Variants in RASA1 observed in about 807,000 individuals in gnomAD.
RASA1 encodes ras GTPase-activating protein 1.
In RASA1, 25 loss-of-function variants were observed where a neutral mutation model predicts 132.2. That is an observed-to-expected ratio of 0.19 (90% confidence interval 0.14 to 0.26). RASA1 has a LOEUF of 0.26. RASA1 is among the 10% of genes least tolerant of loss of function. The probability of loss-of-function intolerance (pLI) is 1.00; values close to 1 mark genes in which losing one functional copy is unlikely to be tolerated. For synonymous variants in RASA1, 477 were observed against 449.9 expected, an observed-to-expected ratio of 1.06 and a Z score of -0.76; for missense variants, 964 against 1,299.2, an observed-to-expected ratio of 0.74 and a Z score of 3.97.
In RASA1 at chr5:87,268,565, A is replaced by G; in HGVS notation, c.114A>G (p.Ile38Met). The change falls in exon 1 of 25, where the codon ATA (isoleucine) becomes ATG (methionine). Residue 38 changes from isoleucine to methionine, a missense_variant. Ile to Met is a conservative substitution (Grantham distance 10). Coordinates refer to ENST00000274376, the MANE Select transcript of RASA1 (RefSeq NM_002890.3). Reference sequence around the variant, plus strand: ...ATCCCGCAGTGTGTCGGGTGAAGATACCCGCGGCCCTGCCTGTGGCAGCCG... The same window carrying G: ...ATCCCGCAGTGTGTCGGGTGAAGATGCCCGCGGCCCTGCCTGTGGCAGCCG... ...SAYPAVCRVK[I>M]PAALPVAAAP... The G allele has an allele frequency of 2.5e-6, 4 of 1,604,932 alleles. No homozygotes were observed. The highest frequency in any genetic ancestry group is 3.4e-6 in the Non-Finnish European group (4 of 1,177,136).
At chr5:87,376,226 C>T in intron 15 of RASA1, 167 bp from the exon 16 acceptor site, 1 of 755,324 alleles carries the variant, frequency 1.3e-6, no homozygotes, top group Non-Finnish European at 2.2e-6. Flanking sequence ...GCACCGTAGA[C>T]ACTCAGTAAA....
intron 12 of RASA1, among the ~76,000 whole-genome samples, chr5:87,370,296 AAGTC>A (rs1414190876): frequency 6.6e-6 from 1 of 152,214 alleles, no homozygotes; most frequent in Non-Finnish European, 1.5e-5. Flanking sequence ...CTGAAAATAA[AAGTC>A]AGTCAACACA....
In RASA1 at chr5:87,390,885, A is replaced by C. The variant is rs1343332507; in HGVS notation, c.*2A>C. The C allele has an allele frequency of 1.2e-6, 2 of 1,606,418 alleles. No homozygotes were observed. Among genetic ancestry groups the C allele is most frequent in the African/African-American group, 2.7e-5 (2 of 74,764 alleles). On this transcript the variant is annotated 3_prime_UTR_variant, in exon 25 of 25. Coordinates refer to ENST00000274376, the MANE Select transcript of RASA1 (RefSeq NM_002890.3). ...ACAAAAACCAATGATGTCAGGTAGCAGCCTTCGCCCCAGTGTTCTGCATGG... is the reference window on the plus strand; with the variant it reads ...ACAAAAACCAATGATGTCAGGTAGCCGCCTTCGCCCCAGTGTTCTGCATGG...
intron 8 of RASA1, among the ~76,000 whole-genome samples, chr5:87,350,231 A>T (rs1439361239): frequency 6.6e-6 from 1 of 151,842 alleles, no homozygotes; most frequent in Non-Finnish European, 1.5e-5. Flanking sequence ...AAAGACATCA[A>T]ATGTAAGATG....
intron 6 of RASA1, 26 bp downstream of exon 6, chr5:87,341,347 G>GAAA (rs35694079): frequency 1.6e-5 from 19 of 1,191,986 alleles, no homozygotes; most frequent in South Asian, 5.3e-5. Flanking sequence ...TTATTAAAAT[G>GAAA]AAAAAAAAAA....
Position 87,366,705 on chromosome 5 carries a change from A to G in RASA1, c.1611-3108A>G, listed in dbSNP as rs147010543. Among the ~76,000 whole-genome samples the G allele has an allele frequency of 2.6e-5, 4 of 152,316 alleles. No individual in the cohort carries two copies. In the East Asian group the frequency reaches 7.7e-4, roughly 29 times the overall value. ...AGTATGAAAAAGTTATGTTCATGAG[A>G]ACTAAACTCAAGTCTCTCATTTAGA... On this transcript the variant is annotated intron_variant, in intron 11 of 24. Transcript: ENST00000274376.
intron 6 of RASA1, among the ~76,000 whole-genome samples, chr5:87,342,757 C>G (rs1758573099): frequency 1.3e-5 from 2 of 152,040 alleles, no homozygotes; most frequent in South Asian, 4.1e-4. Flanking sequence ...GTCTAGTTGT[C>G]TAGTTGATAT....
At chr5:87,299,528 T>C (rs1489786295) in intron 1 of RASA1, among the ~76,000 whole-genome samples, 1 of 152,206 alleles carries the variant, frequency 6.6e-6, no homozygotes, top group African/African-American at 2.4e-5. Flanking sequence ...GGTTCTCTTT[T>C]CTTTTTTATT....
intron 21 of RASA1, among the ~76,000 whole-genome samples, chr5:87,384,057 A>G (rs1580404521): frequency 6.6e-6 from 1 of 151,998 alleles, no homozygotes; most frequent in Admixed American, 6.6e-5. Context: ...AACCTTTATA[A>G]TAAGTGACTT....
intron 12 of RASA1, 123 bp downstream of exon 12, chr5:87,370,023 CTT>C (rs1009496656): frequency 1.2e-6 from 1 of 852,156 alleles, no homozygotes; most frequent in Non-Finnish European, 1.9e-6. Flanking sequence ...CTAATCATCT[CTT>C]ATTTTAAGGA....
chr5:87,332,663 A>G lies in RASA1; in HGVS notation c.828+21A>G, dbSNP rs138733388. 6.9e-6 allele frequency: 11 copies of G among 1,597,522 alleles called. No individual in the cohort carries two copies. The African/African-American group carries it at 1.1e-4, about 16-fold the overall frequency. On this transcript the variant is annotated intron_variant, in intron 3 of 24. Transcript: ENST00000274376. The stretch of plus-strand genomic sequence containing the variant: ...CAGAGGCAAGTAAAATGAATAAAAT[A>G]TCTTTCAAAACTTTATTTTTTCAGT...
intron 1 of RASA1, among the ~76,000 whole-genome samples, chr5:87,298,108 C>T (rs1480295663): frequency 3.3e-5 from 5 of 151,950 alleles, no homozygotes; most frequent in Admixed American, 1.3e-4. Flanking sequence ...AATCTTCTTA[C>T]ATGTAAAGAA....
At chr5:87,340,582 A>T (rs754585130) in intron 5 of RASA1, among the ~76,000 whole-genome samples, 5 of 152,134 alleles carry the variant, frequency 3.3e-5, no homozygotes, top group Non-Finnish European at 5.9e-5. Flanking sequence ...ACACTATTGT[A>T]TCTTAAATCA....
Position 87,389,831 on chromosome 5 carries a change from A to AT in RASA1, c.3060+313dup, listed in dbSNP as rs1037278711. ...TAGTTAGTAAGTCAATATTGATTTTATTTTTTTTTCTTTCAGTTTCTGTCT... is the reference window on the plus strand; with the variant it reads ...TAGTTAGTAAGTCAATATTGATTTTATTTTTTTTTTCTTTCAGTTTCTGTCT... On this transcript the variant is annotated intron_variant, in intron 24 of 24. Coordinates refer to ENST00000274376, the MANE Select transcript of RASA1 (RefSeq NM_002890.3). Among the ~76,000 whole-genome samples the AT allele has an allele frequency of 1.3e-4, 19 of 151,374 alleles. No individual in the cohort carries two copies. In the East Asian group the frequency reaches 1.6e-3, roughly 12 times the overall value.
At chr5:87,361,200 G>A (rs1234918250) in intron 9 of RASA1, among the ~76,000 whole-genome samples, 1 of 152,188 alleles carries the variant, frequency 6.6e-6, no homozygotes, top group Non-Finnish European at 1.5e-5. Context: ...TAGGGAATGA[G>A]CATGGCTGTG....
chr5:87,331,260 A>G (rs766937296), intron 1 of RASA1, 88 bp from the exon 2 acceptor site: 1 of 1,361,824 alleles, frequency 7.3e-7, no homozygotes, highest in Non-Finnish European at 1.0e-6. Context: ...GTAGGCATTT[A>G]AAACCTCTAG....
At chr5:87,315,918 A>T (rs1344895976) in intron 1 of RASA1, among the ~76,000 whole-genome samples, 2 of 152,198 alleles carry the variant, frequency 1.3e-5, no homozygotes, top group Non-Finnish European at 2.9e-5. Flanking sequence ...AATTATTGAA[A>T]GTCATTTGGA....
chr5:87,343,107 A>G (rs1437140238), intron 6 of RASA1, among the ~76,000 whole-genome samples: 1 of 152,158 alleles, frequency 6.6e-6, no homozygotes, highest in African/African-American at 2.4e-5. Flanking sequence ...CTGTCGCAGT[A>G]CTTTAAATTC....
intron 17 of RASA1, among the ~76,000 whole-genome samples, chr5:87,378,100 GCTGT>G (rs1761446515): frequency 6.6e-6 from 1 of 152,126 alleles, no homozygotes; most frequent in African/African-American, 2.4e-5. Context: ...TTTATCATTA[GCTGT>G]CTAATTGATC....
Sources: allele counts gnomAD v4.1 joint callset (sites outside exome capture counted in the v4.1 genomes callset), GRCh38; gene constraint gnomAD v4.1.1; transcripts MANE v1.5; gene names NCBI Gene and HGNC (gene_info 2026-07-23, HGNC 2026-07-21).